SLC7A1: variants seen among roughly 807,000 people sequenced by gnomAD.
SLC7A1 encodes the protein solute carrier family 7 member 1, also known as high affinity cationic amino acid transporter 1.
A neutral mutation model predicts 53.9 loss-of-function variants in SLC7A1; 10 were observed. The ratio of observed to expected loss-of-function variants is 0.19; its 90% CI spans 0.11 to 0.31. SLC7A1 has a LOEUF of 0.31. Ranked by LOEUF, SLC7A1 falls within the 10% of genes least tolerant of loss-of-function variation. The pLI, the probability that SLC7A1 is intolerant of heterozygous loss-of-function variation, is 1.00. For missense variants in SLC7A1, 525 were observed against 827.2 expected, an observed-to-expected ratio of 0.63 and a Z score of 4.48; for synonymous variants, 342 against 338.7, an observed-to-expected ratio of 1.01 and a Z score of -0.11.
At chr13:29,574,716 C>T (rs1871338985) in intron 1 of SLC7A1, among the ~76,000 whole-genome samples, 1 of 146,110 alleles carries the variant, frequency 6.8e-6, no homozygotes, top group Non-Finnish European at 1.5e-5. Flanking sequence ...GCGATCTCGG[C>T]TCACTGCAAG....
chr13:29,576,875 G>T (rs966979050), intron 1 of SLC7A1, among the ~76,000 whole-genome samples: 1 of 152,174 alleles, frequency 6.6e-6, no homozygotes, highest in African/African-American at 2.4e-5. Context: ...TCCTACAGCC[G>T]GTCAGCACCA....
chr13:29,548,073 A>T (rs993755560), intron 2 of SLC7A1, among the ~76,000 whole-genome samples: 12 of 152,198 alleles, frequency 7.9e-5, no homozygotes, highest in Non-Finnish European at 1.3e-4. Context: ...GCCAAGAGTC[A>T]CGGAAGTGTA....
chr13:29,582,520 G>A (rs1871691632), intron 1 of SLC7A1, among the ~76,000 whole-genome samples: 2 of 152,194 alleles, frequency 1.3e-5, no homozygotes, highest in Non-Finnish European at 2.9e-5. Context: ...TGGTACAGGA[G>A]GCACAAAGAC....
rs34563180 is a variant in SLC7A1 at position 29,552,222 on chromosome 13, TACAC to T, written c.-15+1535_-15+1538del. On this transcript the variant is annotated intron_variant, in intron 2 of 12. Transcript: ENST00000380752. ...GGGAGACAAGTCAGGTGAGGGTCAT[TACAC>T]ACACACACACACACACACACACACA... 7.1e-3 allele frequency among the ~76,000 whole-genome samples: 1,032 copies of T among 145,542 alleles called. 7 individuals carry two copies. Among genetic ancestry groups the T allele is most frequent in the Middle Eastern group, 0.011 (3 of 284 alleles).
chr13:29,530,783 G>A (rs1310116234), intron 4 of SLC7A1, 71 bp from the exon 5 acceptor site: 2 of 1,287,876 alleles, frequency 1.6e-6, no homozygotes, highest in African/African-American at 1.5e-5. Flanking sequence ...TTCCTGGATG[G>A]GGATAAGAAG....
intron 1 of SLC7A1, among the ~76,000 whole-genome samples, chr13:29,559,717 ACT>A (rs897406802): frequency 1.3e-5 from 2 of 149,664 alleles, no homozygotes; most frequent in Admixed American, 6.6e-5. Flanking sequence ...CTTTTTTGTA[ACT>A]CTTTTTTTTT....
In SLC7A1 at chr13:29,516,211, G is replaced by A. The variant is rs186046620; in HGVS notation, c.1713C>T (p.Ile571=). The A allele has an allele frequency of 3.7e-5, 59 of 1,613,616 alleles. No individual in the cohort carries two copies. In the East Asian group the frequency reaches 1.3e-3, roughly 35 times the overall value. ...PFLPVLPILS[I]FVNVYLMMQL... ...GCATCATGAGATAGACGTTCACGAA[G>A]ATGCTCAGGATGGGGAGCACTGGCA... The change falls in exon 12 of 13, where the codon ATC becomes ATT. Residue 571 remains isoleucine (I), a synonymous_variant. Transcript: ENST00000380752.
intron 2 of SLC7A1, among the ~76,000 whole-genome samples, chr13:29,550,323 G>T (rs912289670): frequency 3.3e-5 from 5 of 152,220 alleles, no homozygotes; most frequent in African/African-American, 9.6e-5. Flanking sequence ...CTGTGACCCT[G>T]TAGAAGACTT....
At chr13:29,572,866 C>A (rs915588001) in intron 1 of SLC7A1, among the ~76,000 whole-genome samples, 4 of 152,154 alleles carry the variant, frequency 2.6e-5, no homozygotes, top group Admixed American at 2.6e-4. Flanking sequence ...AGGGCCAACT[C>A]AACATGGTAA....
chr13:29,575,943 T>C (rs1871390617), intron 1 of SLC7A1, among the ~76,000 whole-genome samples: 1 of 152,132 alleles, frequency 6.6e-6, no homozygotes, highest in African/African-American at 2.4e-5. Flanking sequence ...TGTTGCCTAG[T>C]GCTCACATGA....
At chr13:29,569,451 C>A (rs568550403) in intron 1 of SLC7A1, among the ~76,000 whole-genome samples, 2 of 152,318 alleles carry the variant, frequency 1.3e-5, no homozygotes, top group South Asian at 2.1e-4. Context: ...CCCTGCAGGG[C>A]CCCTGATGGC....
chr13:29,571,365 G>A (rs1017606782), intron 1 of SLC7A1, among the ~76,000 whole-genome samples: 1 of 152,122 alleles, frequency 6.6e-6, no homozygotes, highest in Non-Finnish European at 1.5e-5. Context: ...ATAACATAAT[G>A]ACATTTTATG....
At chr13:29,566,455 A>G (rs1870970770) in intron 1 of SLC7A1, among the ~76,000 whole-genome samples, 1 of 152,248 alleles carries the variant, frequency 6.6e-6, no homozygotes, top group Non-Finnish European at 1.5e-5. Flanking sequence ...AAAAGCAATG[A>G]CATTCTGACA....
chr13:29,563,748 C>T (rs1310347666), intron 1 of SLC7A1, among the ~76,000 whole-genome samples: 2 of 152,176 alleles, frequency 1.3e-5, no homozygotes, highest in Admixed American at 1.3e-4. Flanking sequence ...CCAGCACATG[C>T]AGGGATACCC....
chr13:29,517,413 T>G (rs956438309), intron 10 of SLC7A1, 103 bp from the exon 11 acceptor site: 13 of 1,323,462 alleles, frequency 9.8e-6, no homozygotes, highest in Non-Finnish European at 1.4e-5. Flanking sequence ...GAGGCTCCAT[T>G]TCCGAAGGCA....
chr13:29,555,529 G>A (rs931321221), intron 1 of SLC7A1, among the ~76,000 whole-genome samples: 9 of 151,654 alleles, frequency 5.9e-5, no homozygotes, highest in Admixed American at 2.0e-4. Flanking sequence ...TGTACCATGA[G>A]AGCACCGAGA....
chr13:29,594,745 A>G (rs1206162972), intron 1 of SLC7A1, among the ~76,000 whole-genome samples: 2 of 152,186 alleles, frequency 1.3e-5, no homozygotes, highest in Admixed American at 1.3e-4. Context: ...ACTTCCTCAA[A>G]GCAATCTTGG....
At chr13:29,579,780 G>C (rs1262140180) in intron 1 of SLC7A1, among the ~76,000 whole-genome samples, 1 of 152,300 alleles carries the variant, frequency 6.6e-6, no homozygotes, top group East Asian at 1.9e-4. Context: ...GCACAAACCT[G>C]GTGGACCACA....
intron 5 of SLC7A1, among the ~76,000 whole-genome samples, chr13:29,529,651 C>T (rs73452370): frequency 0.024 from 3,706 of 152,300 alleles, 153 homozygotes; most frequent in African/African-American, 0.084. Flanking sequence ...GGCCAGCCAA[C>T]GCGGACTGCT....
Sources: allele counts gnomAD v4.1 joint callset (sites outside exome capture counted in the v4.1 genomes callset), GRCh38; gene constraint gnomAD v4.1.1; transcripts MANE v1.5; gene names NCBI Gene and HGNC (gene_info 2026-07-23, HGNC 2026-07-21).